The following DLGAP1 variants were observed in gnomAD, a reference collection of about 807,000 sequenced individuals.
DLGAP1 encodes the protein disks large-associated protein 1.
A neutral mutation model predicts 90.8 loss-of-function variants in DLGAP1; 11 were observed. That is an observed-to-expected ratio of 0.12 (90% CI 0.08 to 0.20). DLGAP1 has a LOEUF of 0.20. DLGAP1 is among the 10% of genes least tolerant of loss of function. The pLI, the probability that DLGAP1 is intolerant of heterozygous loss-of-function variation, is 1.00. For synonymous variants in DLGAP1, 558 were observed against 540.7 expected, an observed-to-expected ratio of 1.03 and a Z score of -0.44; for missense variants, 1,050 against 1,333.8, an observed-to-expected ratio of 0.79 and a Z score of 3.31.
At position 3,499,265 on chromosome 18, in the gene DLGAP1, C is replaced by T. The variant is rs2049802775; in HGVS notation, c.2854G>A (p.Ala952Thr). 1 of 1,601,514 alleles carries T rather than the reference C, an allele frequency of 6.2e-7. No individual in the cohort carries two copies. The highest frequency in any genetic ancestry group is 8.5e-7 in the Non-Finnish European group (1 of 1,174,966). ...GTGGCCGAGTTCTGGCGGACGGACGCGGCGCGCTTGGCGGCCATCAGGCGC... is the reference window on the plus strand; with the variant it reads ...GTGGCCGAGTTCTGGCGGACGGACGTGGCGCGCTTGGCGGCCATCAGGCGC... ...RKRLMAAKRA[A>T]SVRQNSATES... is the part of the protein sequence containing the mutation. Residue 952 changes from alanine to threonine, a missense_variant, in exon 13 of 13, where the codon GCG becomes ACG. Ala to Thr is a moderately conservative substitution (Grantham distance 58, BLOSUM62 0). This residue lies in a region of DLGAP1 where 565 missense variants were observed against 879.7 expected (regional missense o/e 0.64). Coordinates refer to ENST00000315677, the MANE Select transcript of DLGAP1 (RefSeq NM_004746.4). The surrounding 1 kb of genome is among the most constrained non-coding windows in gnomAD (Gnocchi z 6.4).
chr18:3,682,199 C>T (rs2060545502), intron 7 of DLGAP1, among the ~76,000 whole-genome samples: 1 of 152,014 alleles, frequency 6.6e-6, no homozygotes, highest in African/African-American at 2.4e-5. Flanking sequence ...GTGGCACCTC[C>T]CCCTCACACC....
At chr18:4,118,623 T>C (rs976061984) in intron 2 of DLGAP1, among the ~76,000 whole-genome samples, 8 of 147,586 alleles carry the variant, frequency 5.4e-5, no homozygotes, top group East Asian at 2.0e-4. Context: ...ATTCCTCCCA[T>C]GGTGAAACTG....
chr18:3,570,722 A>C (rs1485815431), intron 8 of DLGAP1, among the ~76,000 whole-genome samples: 2 of 151,824 alleles, frequency 1.3e-5, no homozygotes, highest in Non-Finnish European at 2.9e-5. Context: ...TGAGCCCAAG[A>C]GTTAAAGACC....
At chr18:4,293,225 T>A (rs2079893707) in intron 1 of DLGAP1, 1 of 152,218 alleles carries the variant, frequency 6.6e-6, no homozygotes, top group African/African-American at 2.4e-5. Context: ...ATGTGATGAC[T>A]ACATGTATAC....
chr18:3,728,011 A>G (rs1192793672), intron 7 of DLGAP1: 1 of 152,030 alleles, frequency 6.6e-6, no homozygotes, highest in African/African-American at 2.4e-5. Context: ...CCTCAATTCC[A>G]TATATCTAGT....
intron 1 of DLGAP1, among the ~76,000 whole-genome samples, chr18:4,320,711 C>T (rs959615639): frequency 7.2e-6 from 1 of 139,692 alleles, no homozygotes; most frequent in African/African-American, 2.6e-5. Flanking sequence ...ACCCTAATTA[C>T]AATTTTACAC....
At chr18:3,549,179 G>C (rs2144760420) in intron 9 of DLGAP1, among the ~76,000 whole-genome samples, 1 of 152,252 alleles carries the variant, frequency 6.6e-6, no homozygotes, top group South Asian at 2.1e-4. Context: ...CCCAATTATA[G>C]AGCAATTTTC....
intron 1 of DLGAP1, among the ~76,000 whole-genome samples, chr18:4,259,091 T>C (rs755122532): frequency 1.1e-4 from 17 of 152,232 alleles, no homozygotes; most frequent in Non-Finnish European, 2.2e-4. Flanking sequence ...GATTTTTGTT[T>C]TAACCGTGCC....
chr18:4,377,503 A>G (rs2082038074), intron 1 of DLGAP1, among the ~76,000 whole-genome samples: 1 of 152,226 alleles, frequency 6.6e-6, no homozygotes, highest in South Asian at 2.1e-4. Context: ...CACTGAGATG[A>G]ATAATAAACA....
chr18:4,229,529 G>A (rs1245923922), intron 1 of DLGAP1, among the ~76,000 whole-genome samples: 1 of 151,772 alleles, frequency 6.6e-6, no homozygotes, highest in Admixed American at 6.6e-5. Flanking sequence ...TTCATACATC[G>A]ACAGTGAACT....
intron 1 of DLGAP1, among the ~76,000 whole-genome samples, chr18:4,260,277 A>C (rs1232038565): frequency 2.0e-5 from 3 of 152,214 alleles, no homozygotes; most frequent in Non-Finnish European, 4.4e-5. Flanking sequence ...ACACAAAGGC[A>C]AAGCTTTTTA....
intron 3 of DLGAP1, among the ~76,000 whole-genome samples, chr18:3,969,478 G>T (rs1309406801): frequency 6.6e-6 from 1 of 152,146 alleles, no homozygotes; most frequent in Non-Finnish European, 1.5e-5. Context: ...ATATTAAAGA[G>T]AAAAGGGTGC....
At position 3,879,692 on chromosome 18, in the gene DLGAP1, G is replaced by C. The variant is rs200676669; in HGVS notation, c.377C>G (p.Thr126Arg). The C allele has an allele frequency of 6.8e-6, 11 of 1,607,786 alleles. No individual in the cohort carries two copies. The highest frequency in any genetic ancestry group is 8.5e-6 in the Non-Finnish European group (10 of 1,179,770). Reference sequence around the variant, plus strand: ...GCTGTCGCTGCGGTGCTCCACGGCCGTGCGCTTGTACTGCAGGGTGTGATA... The same window carrying C: ...GCTGTCGCTGCGGTGCTCCACGGCCCTGCGCTTGTACTGCAGGGTGTGATA... ...DGYHTLQYKR[T>R]AVEHRSDSPG... The change falls in exon 4 of 13, where the codon ACG becomes AGG. Residue 126 changes from threonine to arginine, a missense_variant. By Grantham distance (71) the Thr-to-Arg change is moderately conservative. Coordinates refer to ENST00000315677, the MANE Select transcript of DLGAP1 (RefSeq NM_004746.4). The surrounding 1 kb of genome is among the most constrained non-coding windows in gnomAD (Gnocchi z 6.6).
At chr18:3,913,978 T>C (rs1366185081) in intron 3 of DLGAP1, among the ~76,000 whole-genome samples, 1 of 152,244 alleles carries the variant, frequency 6.6e-6, no homozygotes, top group Non-Finnish European at 1.5e-5. Flanking sequence ...TCACCAATGC[T>C]GCCTTAATGA....
chr18:3,832,798 A>G (rs1234616256), intron 4 of DLGAP1, among the ~76,000 whole-genome samples: 1 of 152,154 alleles, frequency 6.6e-6, no homozygotes, highest in African/African-American at 2.4e-5. Context: ...CAGAAAATAC[A>G]AAGTAGGGGC....
chr18:4,433,531 C>T (rs571723893), intron 1 of DLGAP1, among the ~76,000 whole-genome samples: 9 of 152,306 alleles, frequency 5.9e-5, no homozygotes, highest in Non-Finnish European at 1.0e-4. Context: ...CTCTAATTCA[C>T]TTGTTCATCT....
intron 1 of DLGAP1, among the ~76,000 whole-genome samples, chr18:4,348,161 G>A (rs1402144835): frequency 2.0e-5 from 3 of 152,104 alleles, no homozygotes; most frequent in African/African-American, 7.2e-5. Context: ...TTAAAGGTTT[G>A]TTTTTCAGAG....
At chr18:3,755,591 CA>C (rs2063686909) in intron 5 of DLGAP1, among the ~76,000 whole-genome samples, 1 of 152,088 alleles carries the variant, frequency 6.6e-6, no homozygotes, top group African/African-American at 2.4e-5. Flanking sequence ...CGTCTTATAA[CA>C]ACAAAAGTCT....
At chr18:4,441,376 G>A (rs2083532292) in intron 1 of DLGAP1, among the ~76,000 whole-genome samples, 1 of 152,202 alleles carries the variant, frequency 6.6e-6, no homozygotes, top group African/African-American at 2.4e-5. Context: ...CAAGTGGGAA[G>A]AGAAAGGTGG....
Sources: allele counts gnomAD v4.1 joint callset (sites outside exome capture counted in the v4.1 genomes callset), GRCh38; gene constraint gnomAD v4.1.1; regional missense constraint gnomAD v4.1.1; non-coding constraint Gnocchi (gnomAD v3.1); transcripts MANE v1.5; gene names NCBI Gene and HGNC (gene_info 2026-07-23, HGNC 2026-07-21).